Variants in P3H2 observed in about 807,000 individuals in gnomAD.
The protein encoded by P3H2 is prolyl 3-hydroxylase 2.
Under a neutral mutation model 87.0 loss-of-function variants are expected in P3H2, and 80 were observed. That is an observed-to-expected ratio of 0.92 (90% CI 0.77 to 1.11). The LOEUF is 1.11. Among genes scored for constraint, P3H2 ranks in the 50% least tolerant of loss-of-function variants. The pLI is 0.00. For synonymous variants in P3H2, 367 were observed against 359.3 expected (o/e 1.02, Z -0.24); for missense variants, 1,001 against 923.9 (o/e 1.08, Z -1.08).
intron 1 of P3H2, among the ~76,000 whole-genome samples, chr3:190,058,916 T>C (rs1017485040): frequency 1.3e-5 from 2 of 152,188 alleles, no homozygotes; most frequent in Non-Finnish European, 2.9e-5. Flanking sequence ...ACACAATGGC[T>C]TCCTTCTTTC....
chr3:189,983,379 G>T (rs1723596376), intron 7 of P3H2: 2 of 526,504 alleles, frequency 3.8e-6, no homozygotes, highest in African/African-American at 1.9e-5. Context: ...ACAATTAATT[G>T]TATGCATAAC....
At chr3:189,986,966 G>A in intron 5 of P3H2, 89 bp from the exon 6 acceptor site, 2 of 876,028 alleles carry the variant, frequency 2.3e-6, no homozygotes, top group South Asian at 1.4e-5. Context: ...ATTTTCATTA[G>A]ATAGTCACAA....
At chr3:190,058,647 A>G (rs1275358026) in intron 1 of P3H2, among the ~76,000 whole-genome samples, 1 of 152,220 alleles carries the variant, frequency 6.6e-6, no homozygotes, top group Non-Finnish European at 1.5e-5. Context: ...AGCTGTGGGC[A>G]GAAGGGCGAC....
At chr3:190,050,223 T>C (rs1725935870) in intron 1 of P3H2, among the ~76,000 whole-genome samples, 1 of 152,176 alleles carries the variant, frequency 6.6e-6, no homozygotes, top group Non-Finnish European at 1.5e-5. Flanking sequence ...CCATAATCTA[T>C]CTCTCTATAA....
chr3:190,034,639 A>AGGGAATTT, intron 1 of P3H2, among the ~76,000 whole-genome samples: 1 of 152,232 alleles, frequency 6.6e-6, no homozygotes, highest in South Asian at 2.1e-4. Flanking sequence ...GGAGGGGTTG[A>AGGGAATTT]TTATAAAAGG....
intron 1 of P3H2, among the ~76,000 whole-genome samples, chr3:190,063,037 T>C (rs1726381814): frequency 6.6e-6 from 1 of 152,166 alleles, no homozygotes; most frequent in South Asian, 2.1e-4. Context: ...AGAAGTTATA[T>C]AAAGCTATTC....
chr3:190,000,080 A>T (rs1224673639), intron 1 of P3H2, among the ~76,000 whole-genome samples: 2 of 152,226 alleles, frequency 1.3e-5, no homozygotes, highest in Non-Finnish European at 2.9e-5. Flanking sequence ...CACATTGACT[A>T]TTCAAAAATC....
At chr3:190,104,916 C>CT (rs1261605609) in intron 1 of P3H2, among the ~76,000 whole-genome samples, 2 of 152,106 alleles carry the variant, frequency 1.3e-5, no homozygotes, top group East Asian at 3.9e-4. Flanking sequence ...TTCCTCTTTT[C>CT]TTTTTTGCAT....
chr3:190,100,732 A>G (rs945178224), intron 1 of P3H2, among the ~76,000 whole-genome samples: 12 of 152,172 alleles, frequency 7.9e-5, no homozygotes, highest in Admixed American at 4.6e-4. Context: ...TGGTATCATC[A>G]TGAAAGGTCT....
At chr3:189,976,254 T>C (rs1229173089) in intron 8 of P3H2, among the ~76,000 whole-genome samples, 1 of 152,200 alleles carries the variant, frequency 6.6e-6, no homozygotes, top group Non-Finnish European at 1.5e-5. Flanking sequence ...GGCCTTTGTA[T>C]CAGTCCATTT....
intron 3 of P3H2, among the ~76,000 whole-genome samples, chr3:189,991,132 C>G (rs1207863755): frequency 6.6e-6 from 1 of 152,144 alleles, no homozygotes; most frequent in African/African-American, 2.4e-5. Context: ...AGAGAAATAG[C>G]AATTAAAATG....
intron 1 of P3H2, among the ~76,000 whole-genome samples, chr3:190,035,124 C>G (rs1057512456): frequency 6.6e-6 from 1 of 152,016 alleles, no homozygotes. Context: ...GCTGAGATTA[C>G]AGGTGTAAGC....
At chr3:189,998,581 C>A (rs1724118971) in intron 1 of P3H2, among the ~76,000 whole-genome samples, 2 of 152,138 alleles carry the variant, frequency 1.3e-5, no homozygotes, top group South Asian at 4.1e-4. Flanking sequence ...ATCTGCTTCT[C>A]CCATTAGAGC....
intron 1 of P3H2, among the ~76,000 whole-genome samples, chr3:190,007,965 C>CATATATATATATATATATATATAT (rs1553875103): frequency 6.4e-5 from 6 of 94,298 alleles, no homozygotes; most frequent in South Asian, 4.1e-4. Flanking sequence ...TGTTGACACA[C>CATATATATATATATATATATATAT]ATATATATAT....
chr3:190,120,989 G>C, upstream of P3H2: 1 of 500,720 alleles, frequency 2.0e-6, no homozygotes, highest in Non-Finnish European at 3.4e-6. Context: ...GCTCTCCCAG[G>C]CTCCCCGCTG....
In P3H2 at chr3:189,974,694, A is replaced by C. The variant is rs763195848; in HGVS notation, c.1325-9T>G. 3.7e-6 allele frequency: 6 copies of C among 1,614,070 alleles called. No homozygotes were observed. The highest frequency in any genetic ancestry group is 5.1e-6 in the Non-Finnish European group (6 of 1,180,022). ...ATAGAGTAGAGGACCACCTACAGGAACAGAGCACATTGTCTTCCCTGTTAC... is the reference window on the plus strand; with the variant it reads ...ATAGAGTAGAGGACCACCTACAGGACCAGAGCACATTGTCTTCCCTGTTAC... On this transcript the variant is annotated splice_polypyrimidine_tract_variant and intron_variant, in intron 8 of 14. Coordinates refer to ENST00000319332, the MANE Select transcript of P3H2 (RefSeq NM_018192.4).
chr3:190,045,922 C>A (rs1725785390), intron 1 of P3H2, among the ~76,000 whole-genome samples: 1 of 152,032 alleles, frequency 6.6e-6, no homozygotes, highest in Admixed American at 6.6e-5. Flanking sequence ...GAGATCGAGA[C>A]CATCCTGGCT....
intron 13 of P3H2, among the ~76,000 whole-genome samples, chr3:189,966,811 A>C (rs1723020697): frequency 6.6e-6 from 1 of 152,262 alleles, no homozygotes; most frequent in Non-Finnish European, 1.5e-5. Flanking sequence ...TTCCAAGTAT[A>C]CTAAGCATAA....
At chr3:190,102,699 C>T (rs1399855604) in intron 1 of P3H2, among the ~76,000 whole-genome samples, 5 of 152,110 alleles carry the variant, frequency 3.3e-5, no homozygotes, top group Non-Finnish European at 4.4e-5. Flanking sequence ...ATTACATAAG[C>T]TTAGTTGATA....
Sources: gnomAD v4.1 joint callset for allele counts (sites outside exome capture counted in the v4.1 genomes callset) on GRCh38, gnomAD v4.1.1 for gene constraint, MANE v1.5 for transcripts, NCBI Gene and HGNC (gene_info 2026-07-23, HGNC 2026-07-21) for gene names.